AGAP1: variants seen among roughly 807,000 people sequenced by gnomAD.
The protein encoded by AGAP1 is arf-GAP with GTPase, ANK repeat and PH domain-containing protein 1.
A neutral mutation model predicts 105.3 loss-of-function variants in AGAP1; 29 were observed. That is an observed-to-expected ratio of 0.28 (90% CI 0.21 to 0.38). The LOEUF (loss-of-function observed/expected upper bound fraction) is 0.38, where lower values mean the gene tolerates loss of function less well. Among genes scored for constraint, AGAP1 ranks in the 10% least tolerant of loss-of-function variants. The pLI is 1.00. For synonymous variants in AGAP1, 509 were observed against 485.9 expected (o/e 1.05, Z -0.63); for missense variants, 998 against 1,165.1 (o/e 0.86, Z 2.09).
At chr2:235,834,366 A>G (rs1959858424) in intron 9 of AGAP1, among the ~76,000 whole-genome samples, 1 of 152,152 alleles carries the variant, frequency 6.6e-6, no homozygotes, top group Non-Finnish European at 1.5e-5. Flanking sequence ...AGATTCAGAT[A>G]TGCCTTCTGT....
At chr2:235,966,774 T>C (rs1309790489) in intron 12 of AGAP1, among the ~76,000 whole-genome samples, 2 of 151,846 alleles carry the variant, frequency 1.3e-5, no homozygotes, top group African/African-American at 2.4e-5. Flanking sequence ...TCTTCTTCCA[T>C]GTGTAAAGGG....
chr2:235,504,933 G>A (rs1178001803), intron 1 of AGAP1, among the ~76,000 whole-genome samples: 1 of 152,144 alleles, frequency 6.6e-6, no homozygotes, highest in Non-Finnish European at 1.5e-5. Flanking sequence ...ATGGAGCTGT[G>A]TGAGCGAAAT....
chr2:236,055,462 ATT>A lies in AGAP1; in HGVS notation c.2114+6183_2114+6184del, dbSNP rs1364390768. The stretch of plus-strand genomic sequence containing the variant: ...ATCATGTGAACGCTGTGGTTTTTCT[ATT>A]TGACAGGCTTAATTAATTGGCAGGA... On this transcript the variant is annotated intron_variant, in intron 16 of 17. Transcript: ENST00000304032. The surrounding 1 kb of genome is among the most constrained non-coding windows in gnomAD (Gnocchi z 6.2). Among the ~76,000 whole-genome samples, 1 of 152,200 alleles carries A rather than the reference ATT, an allele frequency of 6.6e-6. No homozygotes were observed. Among genetic ancestry groups the A allele is most frequent in the East Asian group, 1.9e-4 (1 of 5,200 alleles).
intron 6 of AGAP1, among the ~76,000 whole-genome samples, chr2:235,794,032 A>AG (rs1196025485): frequency 6.6e-6 from 1 of 152,180 alleles, no homozygotes; most frequent in Non-Finnish European, 1.5e-5. Context: ...CCTCAGGTCA[A>AG]GGAGGGCCTA....
In AGAP1 at chr2:235,692,551, C is replaced by A. The variant is rs1242895597; in HGVS notation, c.164-16628C>A. Among the ~76,000 whole-genome samples the A allele has an allele frequency of 6.6e-6, 1 of 152,084 alleles. No homozygotes were observed. Among genetic ancestry groups the A allele is most frequent in the Admixed American group, 6.6e-5 (1 of 15,262 alleles). On this transcript the variant is annotated intron_variant, in intron 1 of 17. Coordinates refer to ENST00000304032, the MANE Select transcript of AGAP1 (RefSeq NM_001037131.3). This position sits in a 1 kb window ranked among gnomAD's most constrained non-coding sequence, Gnocchi z 5.8. ...TCAAACCATACTTCGCCCTGCTGCC[C>A]CTATGCTCTCCCCCCTTGCCCTCCC...
At chr2:235,528,463 G>C (rs1168103113) in intron 1 of AGAP1, among the ~76,000 whole-genome samples, 1 of 151,008 alleles carries the variant, frequency 6.6e-6, no homozygotes, top group African/African-American at 2.4e-5. Context: ...GAATTACAGA[G>C]TGAGATGGAA....
chr2:235,883,433 A>G lies in AGAP1; in HGVS notation c.1139A>G (p.Tyr380Cys), dbSNP rs750693252. ...CTGTGTGACAATGGCGTGCTGACCT[A>G]TCATCCCAGTTTACATGTGAGTATA... Reference protein sequence around the residue: ...VTLCDNGVLTYHPSLHDYMQN... With the variant: ...VTLCDNGVLTCHPSLHDYMQN... Residue 380 changes from tyrosine (Y) to cysteine (C), a missense_variant, in exon 10 of 18, where the codon TAT (tyrosine) becomes TGT (cysteine). Tyr to Cys is a radical substitution (Grantham distance 194). Around this residue, in one of 3 missense-constraint regions of AGAP1, gnomAD observed 735 missense variants for 833.4 expected, o/e 0.88. Transcript: ENST00000304032. The surrounding 1 kb of genome is among the most constrained non-coding windows in gnomAD (Gnocchi z 4.5). 10 of 1,613,970 alleles carry G rather than the reference A, an allele frequency of 6.2e-6. No individual in the cohort carries two copies. The highest frequency in any genetic ancestry group is 2.7e-5 in the African/African-American group (2 of 74,924).
intron 6 of AGAP1, among the ~76,000 whole-genome samples, chr2:235,785,514 A>G (rs938385063): frequency 3.9e-5 from 6 of 151,920 alleles, no homozygotes; most frequent in Admixed American, 3.9e-4. Context: ...CCTGTTCCTC[A>G]TTTATCTTGA....
At chr2:236,103,680 C>T (rs574937704) in intron 16 of AGAP1, among the ~76,000 whole-genome samples, 60 of 152,212 alleles carry the variant, frequency 3.9e-4, no homozygotes, top group Admixed American at 1.6e-3. Flanking sequence ...AGCAGTTCTC[C>T]TGCCTCAGCC....
intron 1 of AGAP1, chr2:235,670,886 C>T (rs940511431): frequency 1.5e-5 from 20 of 1,355,358 alleles, no homozygotes; most frequent in South Asian, 1.8e-5. Context: ...CTCGGAGCAC[C>T]GGCTGCTGCG....
intron 1 of AGAP1, chr2:235,670,126 G>C (rs1948299593): frequency 1.7e-6 from 1 of 573,212 alleles, no homozygotes; most frequent in African/African-American, 2.0e-5. Flanking sequence ...GCAGTGGCGA[G>C]CCCGCGTCGC....
chr2:236,034,893 C>G (rs2057333026), intron 13 of AGAP1, among the ~76,000 whole-genome samples: 1 of 152,206 alleles, frequency 6.6e-6, no homozygotes, highest in Non-Finnish European at 1.5e-5. Flanking sequence ...GTGCTGTCCC[C>G]ACACCCCTGG....
rs1227698245 is a variant in AGAP1, at chr2:236,092,226, C to T, written c.2115-27966C>T. Among the ~76,000 whole-genome samples the T allele has an allele frequency of 6.6e-6, 1 of 152,068 alleles. No individual in the cohort carries two copies. The highest frequency in any genetic ancestry group is 2.4e-5 in the African/African-American group (1 of 41,388). ...TTGCATTGAACCAATTCCATGGACA[C>T]ATAAATACAAATGACCACAAGGAAA... On this transcript the variant is annotated intron_variant, in intron 16 of 17. Transcript: ENST00000304032. The surrounding 1 kb of genome is among the most constrained non-coding windows in gnomAD (Gnocchi z 4.7).
chr2:235,797,128 T>TG (rs1203393594), intron 6 of AGAP1, among the ~76,000 whole-genome samples: 1 of 152,144 alleles, frequency 6.6e-6, no homozygotes, highest in Non-Finnish European at 1.5e-5. Flanking sequence ...CTTTAGGCTT[T>TG]GGGGGAAAAA....
rs138551212 is a variant in AGAP1, at chr2:235,838,103, G to A, written c.1050+30772G>A. 7.2e-4 allele frequency among the ~76,000 whole-genome samples: 110 copies of A among 152,272 alleles called. 1 individual carries two copies. In the East Asian group the frequency reaches 0.016, roughly 23 times the overall value. Reference sequence around the variant, plus strand: ...TGGGACACTGAAGCAAGAGAATCACGTGAACCCAAGAGGCGGAGGTTGCAG... The same window carrying A: ...TGGGACACTGAAGCAAGAGAATCACATGAACCCAAGAGGCGGAGGTTGCAG... On this transcript the variant is annotated intron_variant, in intron 9 of 17. Coordinates refer to ENST00000304032, the MANE Select transcript of AGAP1 (RefSeq NM_001037131.3).
At position 236,061,986 on chromosome 2, in the gene AGAP1, G is replaced by T. The variant is rs2058208381; in HGVS notation, c.2114+12705G>T. ...GGCGTACAGGAACGCATGCTGGGTG[G>T]CGGGGGCCTGGGTGCGGGCCGAGGG... On this transcript the variant is annotated intron_variant, in intron 16 of 17. Transcript: ENST00000304032. The surrounding 1 kb of genome is among the most constrained non-coding windows in gnomAD (Gnocchi z 4.1). Among the ~76,000 whole-genome samples the T allele has an allele frequency of 1.3e-5, 2 of 152,218 alleles. No homozygotes were observed. Among genetic ancestry groups the T allele is most frequent in the Admixed American group, 6.5e-5 (1 of 15,280 alleles).
intron 1 of AGAP1, among the ~76,000 whole-genome samples, chr2:235,666,488 A>G (rs999528909): frequency 6.6e-6 from 1 of 152,102 alleles, no homozygotes; most frequent in Non-Finnish European, 1.5e-5. Flanking sequence ...CAGGTTTTTC[A>G]GCACCCACAG....
chr2:235,656,216 C>T (rs867471128), intron 1 of AGAP1, among the ~76,000 whole-genome samples: 3 of 152,270 alleles, frequency 2.0e-5, no homozygotes, highest in Middle Eastern at 3.4e-3. Context: ...GACAGATATT[C>T]GGGTTTCAAG....
In AGAP1 at chr2:236,040,612, A is replaced by C. The variant is rs1473034273; in HGVS notation, c.1801-139A>C. ...AGTTATGCTCTTTCCCAAAGACATC[A>C]AAACAAGAGTGATTGTTTAGAAATT... On this transcript the variant is annotated intron_variant, in intron 14 of 17. Coordinates refer to ENST00000304032, the MANE Select transcript of AGAP1 (RefSeq NM_001037131.3). This position sits in a 1 kb window ranked among gnomAD's most constrained non-coding sequence, Gnocchi z 5.6. 2.1e-6 allele frequency: 1 copy of C among 482,848 alleles called. No individual in the cohort carries two copies. The highest frequency in any genetic ancestry group is 2.2e-5 in the African/African-American group (1 of 45,160). 29.9% of individuals were successfully genotyped at this position (482,848 alleles called of 1,614,324 possible).
Sources: gnomAD v4.1 joint callset for allele counts (sites outside exome capture counted in the v4.1 genomes callset) on GRCh38, gnomAD v4.1.1 for gene constraint, gnomAD v4.1.1 regional missense constraint, Gnocchi (gnomAD v3.1) non-coding constraint, MANE v1.5 for transcripts, NCBI Gene and HGNC (gene_info 2026-07-23, HGNC 2026-07-21) for gene names.